RALYL: variants seen among roughly 807,000 people sequenced by gnomAD.
RALYL encodes the protein RALY RNA binding protein like.
A neutral mutation model predicts 35.1 loss-of-function variants in RALYL; 29 were observed. The ratio of observed to expected loss-of-function variants is 0.83; its 90% CI spans 0.61 to 1.13. The LOEUF (loss-of-function observed/expected upper bound fraction) is 1.13, where lower values mean the gene tolerates loss of function less well. Ranked by LOEUF, RALYL falls within the 50% of genes most tolerant of loss-of-function variation. RALYL has a pLI of 0.00. For missense variants in RALYL, 359 were observed against 360.4 expected (o/e 1.00, Z 0.03); for synonymous variants, 120 against 127.6 (o/e 0.94, Z 0.40).
At chr8:84,451,375 C>T (rs573856586) in intron 1 of RALYL, among the ~76,000 whole-genome samples, 122 of 152,024 alleles carry the variant, frequency 8.0e-4, no homozygotes, top group African/African-American at 2.9e-3. Context: ...ATAGTATGCT[C>T]CCCAATTCTG....
At chr8:84,692,382 G>A (rs548580861) in intron 2 of RALYL, among the ~76,000 whole-genome samples, 2 of 152,058 alleles carry the variant, frequency 1.3e-5, no homozygotes, top group Non-Finnish European at 2.9e-5. Flanking sequence ...CTATGTACCA[G>A]CAATAGCAAT....
intron 3 of RALYL, among the ~76,000 whole-genome samples, chr8:84,798,005 C>T (rs1001340273): frequency 6.6e-6 from 1 of 152,174 alleles, no homozygotes. Context: ...CTTCTGCCCC[C>T]TTCTGAACTT....
intron 1 of RALYL, among the ~76,000 whole-genome samples, chr8:84,197,280 C>G (rs1056910990): frequency 1.3e-5 from 2 of 152,076 alleles, no homozygotes; most frequent in Non-Finnish European, 2.9e-5. Flanking sequence ...TGTGAAACCC[C>G]GCAATCTACA....
intron 2 of RALYL, among the ~76,000 whole-genome samples, chr8:84,531,179 T>C (rs552293281): frequency 1.3e-5 from 2 of 152,234 alleles, no homozygotes; most frequent in South Asian, 4.1e-4. Flanking sequence ...TGAAGAAGCA[T>C]ACAAAAGAAG....
intron 2 of RALYL, among the ~76,000 whole-genome samples, chr8:84,765,287 T>A (rs912665124): frequency 2.0e-5 from 3 of 152,112 alleles, no homozygotes; most frequent in African/African-American, 7.2e-5. Context: ...ACATTCAAAA[T>A]CTTATGAAGA....
At chr8:84,599,631 T>C (rs185109352) in intron 2 of RALYL, among the ~76,000 whole-genome samples, 53 of 152,156 alleles carry the variant, frequency 3.5e-4, no homozygotes, top group African/African-American at 1.2e-3. Context: ...ATTCAAAGGA[T>C]TTACTCCCTT....
At chr8:84,820,052 T>TGA (rs775509731) in intron 4 of RALYL, among the ~76,000 whole-genome samples, 13 of 151,810 alleles carry the variant, frequency 8.6e-5, no homozygotes, top group Non-Finnish European at 1.2e-4. Context: ...TATTAGAGAG[T>TGA]GAGAGAGAGA....
chr8:84,807,776 G>A (rs1824997268), intron 4 of RALYL, among the ~76,000 whole-genome samples: 1 of 152,086 alleles, frequency 6.6e-6, no homozygotes, highest in South Asian at 2.1e-4. Flanking sequence ...GTGATGTTAA[G>A]CATTTTTTCA....
intron 8 of RALYL, among the ~76,000 whole-genome samples, chr8:84,897,360 T>TA (rs1161614093): frequency 3.9e-5 from 6 of 152,180 alleles, no homozygotes; most frequent in African/African-American, 9.7e-5. Context: ...CCAAATTTGT[T>TA]AAAAAAGCAC....
At chr8:84,324,467 G>T (rs746561605) in intron 1 of RALYL, among the ~76,000 whole-genome samples, 1 of 151,930 alleles carries the variant, frequency 6.6e-6, no homozygotes, top group Non-Finnish European at 1.5e-5. Context: ...TTCTTTTGAA[G>T]AATGCATTAA....
At chr8:84,226,868 A>G (rs1017509510) in intron 1 of RALYL, among the ~76,000 whole-genome samples, 11 of 152,018 alleles carry the variant, frequency 7.2e-5, no homozygotes, top group African/African-American at 2.4e-4. Flanking sequence ...AGTGTGGATC[A>G]CATTGCAATA....
chr8:84,720,858 T>A (rs1843765334), intron 2 of RALYL, among the ~76,000 whole-genome samples: 1 of 152,000 alleles, frequency 6.6e-6, no homozygotes, highest in African/African-American at 2.4e-5. Context: ...AAAAGAGACA[T>A]ACAAACGGAT....
intron 2 of RALYL, among the ~76,000 whole-genome samples, chr8:84,655,326 G>GT (rs1380363227): frequency 2.7e-5 from 4 of 150,638 alleles, no homozygotes; most frequent in Non-Finnish European, 3.0e-5. Flanking sequence ...GTTTTGTTTT[G>GT]TTTTTTGTTG....
chr8:84,295,888 A>G (rs1839659106), intron 1 of RALYL, among the ~76,000 whole-genome samples: 1 of 152,112 alleles, frequency 6.6e-6, no homozygotes, highest in African/African-American at 2.4e-5. Flanking sequence ...ATTATTTGGA[A>G]CTTGAACTTG....
rs953555860 is a variant in RALYL, at chr8:84,328,873, C to G, written c.-24+144449C>G. On this transcript the variant is annotated intron_variant, in intron 1 of 8. Coordinates refer to ENST00000521268, the MANE Select transcript of RALYL (RefSeq NM_173848.7). ...AACATGGAGTATTTGGTTTTCTGTT[C>G]CTGCATTGATTCGATTAGGATGATG... 4.6e-5 allele frequency among the ~76,000 whole-genome samples: 7 copies of G among 152,102 alleles called. No individual in the cohort carries two copies. The East Asian group carries it at 1.3e-3, about 29-fold the overall frequency.
Position 84,920,860 on chromosome 8 carries a change from C to A in RALYL, c.859-34C>A, listed in dbSNP as rs144521168. The A allele has an allele frequency of 1.5e-4, 168 of 1,089,416 alleles. 1 individual carries two copies. In the African/African-American group the frequency reaches 2.1e-3, roughly 13 times the overall value. 67.5% of individuals were successfully genotyped at this position (1,089,416 alleles called of 1,614,324 possible). On this transcript the variant is annotated intron_variant, in intron 8 of 8. Coordinates refer to ENST00000521268, the MANE Select transcript of RALYL (RefSeq NM_173848.7). ...ATGCTATCAACAATAAAACACAAAT[C>A]TCTGTATTTTAAAATTTTTTTTTAT...
chr8:84,584,325 C>T (rs1282292778), intron 2 of RALYL, among the ~76,000 whole-genome samples: 6 of 152,138 alleles, frequency 3.9e-5, no homozygotes, highest in Non-Finnish European at 5.9e-5. Flanking sequence ...ATATTTAAGG[C>T]CAGGCGTGGT....
chr8:84,707,057 A>G (rs1023872982), intron 2 of RALYL, among the ~76,000 whole-genome samples: 4 of 152,180 alleles, frequency 2.6e-5, no homozygotes, highest in Non-Finnish European at 5.9e-5. Flanking sequence ...CCTATCAAAA[A>G]GCCAATAAAT....
rs993599007 is a variant in RALYL at position 84,691,720 on chromosome 8, A to G, written c.257-82859A>G. 2.0e-5 allele frequency among the ~76,000 whole-genome samples: 3 copies of G among 151,928 alleles called. No individual in the cohort carries two copies. The East Asian group carries it at 5.8e-4, about 29-fold the overall frequency. On this transcript the variant is annotated intron_variant, in intron 2 of 8. Coordinates refer to ENST00000521268, the MANE Select transcript of RALYL (RefSeq NM_173848.7). ...CAATAGAAGAGAGTGAGTCCCCTGG[A>G]GGAAAGGGAGGAAAGGGATATTCCA...
Sources: allele counts gnomAD v4.1 joint callset (sites outside exome capture counted in the v4.1 genomes callset), GRCh38; gene constraint gnomAD v4.1.1; transcripts MANE v1.5; gene names NCBI Gene and HGNC (gene_info 2026-07-23, HGNC 2026-07-21).